The following RBMS1 variants were observed in gnomAD, a reference collection of about 807,000 sequenced individuals.
RBMS1 encodes RNA binding motif single stranded interacting protein 1, also known as RNA-binding motif, single-stranded-interacting protein 1.
Under a neutral mutation model 62.3 loss-of-function variants are expected in RBMS1, and 17 were observed. The observed-to-expected ratio is 0.27, with a 90% CI of 0.19 to 0.41. The LOEUF (loss-of-function observed/expected upper bound fraction) is 0.41. Among genes scored for constraint, RBMS1 ranks in the 10% least tolerant of loss-of-function variants. The probability of loss-of-function intolerance (pLI) is 1.00; values close to 1 mark genes in which losing one functional copy is unlikely to be tolerated. For missense variants in RBMS1, 334 were observed against 504.5 expected (o/e 0.66, Z 3.24); for synonymous variants, 172 against 170.0 (o/e 1.01, Z -0.09).
chr2:160,480,623 A>T (rs1195634750), intron 1 of RBMS1, among the ~76,000 whole-genome samples: 1 of 152,208 alleles, frequency 6.6e-6, no homozygotes, highest in African/African-American at 2.4e-5. Context: ...TAATATATCA[A>T]TTCTCCCCCA....
At chr2:160,388,476 C>CT (rs1267019291) in intron 1 of RBMS1, among the ~76,000 whole-genome samples, 2 of 152,176 alleles carry the variant, frequency 1.3e-5, no homozygotes, top group Non-Finnish European at 2.9e-5. Context: ...CCCAGTGCCC[C>CT]TGCTAAGCTG....
chr2:160,438,130 A>G (rs1218604592), intron 1 of RBMS1, among the ~76,000 whole-genome samples: 2 of 152,240 alleles, frequency 1.3e-5, no homozygotes, highest in African/African-American at 2.4e-5. Context: ...TCTTTTCAGT[A>G]GCACTGAAAG....
At chr2:160,429,302 CCA>C (rs1682787918) in intron 1 of RBMS1, among the ~76,000 whole-genome samples, 1 of 151,960 alleles carries the variant, frequency 6.6e-6, no homozygotes, top group Non-Finnish European at 1.5e-5. Context: ...ATTAAAGGAC[CCA>C]CCATAACTCA....
At chr2:160,294,728 C>T (rs151251009) in intron 6 of RBMS1, among the ~76,000 whole-genome samples, 34 of 152,276 alleles carry the variant, frequency 2.2e-4, no homozygotes, top group African/African-American at 6.7e-4. Context: ...ATTCTGCTTA[C>T]GCCAGCTAAA....
intron 1 of RBMS1, among the ~76,000 whole-genome samples, chr2:160,375,655 A>G (rs1693957921): frequency 6.6e-6 from 1 of 152,186 alleles, no homozygotes; most frequent in Non-Finnish European, 1.5e-5. Flanking sequence ...CCACTTTAAA[A>G]GAAAATTCAA....
chr2:160,344,474 TTTG>T (rs1459351754), intron 2 of RBMS1, among the ~76,000 whole-genome samples: 3 of 152,194 alleles, frequency 2.0e-5, no homozygotes, highest in Admixed American at 6.5e-5. Context: ...TCTTTTGTTT[TTTG>T]TTGTTGTTAT....
chr2:160,403,868 G>A lies in RBMS1; in HGVS notation c.76-36477C>T, dbSNP rs535903337. ...GTTCCAAAATGGAAGGAAACAGGAA[G>A]AGGAGTAGCTAATAAAAGAATTCAA... On this transcript the variant is annotated intron_variant, in intron 1 of 13. Coordinates refer to ENST00000348849, the MANE Select transcript of RBMS1 (RefSeq NM_016836.4). Among the ~76,000 whole-genome samples the A allele has an allele frequency of 2.0e-5, 3 of 152,298 alleles. No homozygotes were observed. The South Asian group carries it at 6.2e-4, about 32-fold the overall frequency.
chr2:160,493,183 C>T, intron 1 of RBMS1, 106 bp downstream of exon 1: 6 of 1,126,752 alleles, frequency 5.3e-6, no homozygotes, highest in Non-Finnish European at 7.7e-6. Flanking sequence ...GCAACTCCGC[C>T]CGGCGGTGGC....
At chr2:160,359,792 A>C (rs1270598997) in intron 2 of RBMS1, among the ~76,000 whole-genome samples, 1 of 152,192 alleles carries the variant, frequency 6.6e-6, no homozygotes. Context: ...ATGATTATTT[A>C]ATTTCAGGGT....
Position 160,275,411 on chromosome 2 carries a change from A to T in RBMS1, c.*7+219T>A, listed in dbSNP as rs566020602. ...TTTCTTTTTAGTGGGGAGAGTATAC[A>T]TTTGGCTTCAGTATAAAGCATTCTC... On this transcript the variant is annotated intron_variant, in intron 13 of 13. Transcript: ENST00000348849. 10 of 782,484 alleles carry T rather than the reference A, an allele frequency of 1.3e-5. No individual in the cohort carries two copies. The African/African-American group carries it at 1.4e-4, about 11-fold the overall frequency. The allele number at this position is 782,484 out of a possible 1,614,324, so 48.5% of individuals were successfully genotyped here.
At chr2:160,318,804 A>G (rs1444710192) in intron 2 of RBMS1, among the ~76,000 whole-genome samples, 1 of 152,220 alleles carries the variant, frequency 6.6e-6, no homozygotes, top group Non-Finnish European at 1.5e-5. Context: ...GACTTTTATA[A>G]CTGTTCATAA....
intron 2 of RBMS1, among the ~76,000 whole-genome samples, chr2:160,319,095 A>C (rs1257944112): frequency 1.3e-5 from 2 of 152,236 alleles, no homozygotes; most frequent in Non-Finnish European, 2.9e-5. Flanking sequence ...TGTAAATATG[A>C]ACCGAACCCC....
At chr2:160,440,797 T>A (rs1331682955) in intron 1 of RBMS1, among the ~76,000 whole-genome samples, 1 of 152,222 alleles carries the variant, frequency 6.6e-6, no homozygotes, top group Non-Finnish European at 1.5e-5. Flanking sequence ...TTACAACATC[T>A]TCTCACATCC....
At chr2:160,317,171 CAG>C (rs1013033917) in intron 3 of RBMS1, among the ~76,000 whole-genome samples, 7 of 152,272 alleles carry the variant, frequency 4.6e-5, no homozygotes, top group African/African-American at 1.4e-4. Flanking sequence ...GAAGAAGAGA[CAG>C]AAATACAATG....
intron 1 of RBMS1, among the ~76,000 whole-genome samples, chr2:160,437,697 C>T (rs941475753): frequency 6.6e-6 from 1 of 152,204 alleles, no homozygotes; most frequent in Non-Finnish European, 1.5e-5. Context: ...GAATGTATAA[C>T]ATAGATGTTC....
In RBMS1 at chr2:160,493,485, T is replaced by C. The variant is rs544424544; in HGVS notation, c.-122A>G. 5.1e-6 allele frequency: 4 copies of C among 789,468 alleles called. No individual in the cohort carries two copies. The highest frequency in any genetic ancestry group is 6.4e-6 in the Non-Finnish European group (3 of 469,656). The allele number at this position is 789,468 out of a possible 1,614,324, so 48.9% of individuals were successfully genotyped here. ...CGGCGGCGGCGGCGGCGGCTGCTGC[T>C]GCTGCCGCTGCTCCACCTCCCAGCC... On this transcript the variant is annotated 5_prime_UTR_variant, in exon 1 of 14. Coordinates refer to ENST00000348849, the MANE Select transcript of RBMS1 (RefSeq NM_016836.4).
intron 1 of RBMS1, among the ~76,000 whole-genome samples, chr2:160,402,324 T>G (rs549667236): frequency 6.6e-6 from 1 of 152,314 alleles, no homozygotes; most frequent in African/African-American, 2.4e-5. Context: ...ACGTGCGTTA[T>G]CAGGGCCTAA....
At chr2:160,466,889 G>A (rs1684719115) in intron 1 of RBMS1, among the ~76,000 whole-genome samples, 1 of 152,160 alleles carries the variant, frequency 6.6e-6, no homozygotes, top group African/African-American at 2.4e-5. Flanking sequence ...CTTCACCTCT[G>A]TGAACCCCAG....
intron 1 of RBMS1, among the ~76,000 whole-genome samples, chr2:160,450,470 G>A (rs549169359): frequency 6.6e-5 from 10 of 151,102 alleles, no homozygotes; most frequent in African/African-American, 2.4e-4. Context: ...AACCCAGAGG[G>A]CGGAGGCTGC....
Sources: gnomAD v4.1 joint callset for allele counts (sites outside exome capture counted in the v4.1 genomes callset) on GRCh38, gnomAD v4.1.1 for gene constraint, MANE v1.5 for transcripts, NCBI Gene and HGNC (gene_info 2026-07-23, HGNC 2026-07-21) for gene names.